Variants in CDH13 observed in about 807,000 individuals in gnomAD.
CDH13 encodes the protein cadherin 13.
A neutral mutation model predicts 63.8 loss-of-function variants in CDH13; 24 were observed. The observed-to-expected ratio is 0.38, with a 90% CI of 0.27 to 0.53. The LOEUF (loss-of-function observed/expected upper bound fraction) is 0.53. Among genes scored for constraint, CDH13 ranks in the 20% least tolerant of loss-of-function variants. The pLI is 0.85. For missense variants in CDH13, 1,049 were observed against 903.1 expected (o/e 1.16, Z -2.07); for synonymous variants, 503 against 355.3 (o/e 1.42, Z -4.67).
intron 6 of CDH13, among the ~76,000 whole-genome samples, chr16:83,458,775 TC>T (rs2073091078): frequency 1.3e-5 from 2 of 152,236 alleles, no homozygotes; most frequent in African/African-American, 2.4e-5. Context: ...ATTGCTCATT[TC>T]TGACATTCTG....
chr16:83,648,376 A>AT (rs1912040253), intron 8 of CDH13, among the ~76,000 whole-genome samples: 1 of 152,118 alleles, frequency 6.6e-6, no homozygotes, highest in African/African-American at 2.4e-5. Flanking sequence ...TGATGCAGTG[A>AT]TTTTAGAAAC....
At chr16:83,706,415 G>A (rs535829775) in intron 10 of CDH13, among the ~76,000 whole-genome samples, 43 of 152,276 alleles carry the variant, frequency 2.8e-4, no homozygotes, top group African/African-American at 9.4e-4. Flanking sequence ...CGAGAGGAGC[G>A]TCAGAAATAT....
At chr16:82,676,674 T>A (rs1205659693) in intron 1 of CDH13, among the ~76,000 whole-genome samples, 2 of 151,978 alleles carry the variant, frequency 1.3e-5, no homozygotes, top group Non-Finnish European at 2.9e-5. Flanking sequence ...TGCCGTTGGT[T>A]TTTTTTATGA....
At chr16:83,586,841 T>C (rs568470347) in intron 7 of CDH13, among the ~76,000 whole-genome samples, 32 of 152,326 alleles carry the variant, frequency 2.1e-4, no homozygotes, top group African/African-American at 7.5e-4. Context: ...CGAATTAGCT[T>C]TTGGACAACA....
chr16:83,169,571 G>C (rs72800264), intron 4 of CDH13, among the ~76,000 whole-genome samples: 24,412 of 141,876 alleles, frequency 0.17, 2,060 homozygotes, highest in South Asian at 0.2. Context: ...TTTTTTTTTT[G>C]TTTCTCCATG....
chr16:82,984,700 T>C (rs562926620), intron 2 of CDH13, among the ~76,000 whole-genome samples: 1 of 152,288 alleles, frequency 6.6e-6, no homozygotes, highest in Non-Finnish European at 1.5e-5. Flanking sequence ...GTCACATAAC[T>C]TGCTAAGGTT....
intron 2 of CDH13, among the ~76,000 whole-genome samples, chr16:82,918,765 C>A (rs1426269490): frequency 6.6e-6 from 1 of 152,008 alleles, no homozygotes; most frequent in Non-Finnish European, 1.5e-5. Context: ...TACCTCAACC[C>A]CCCGACAAAA....
At chr16:83,104,273 A>C (rs927824817) in intron 3 of CDH13, among the ~76,000 whole-genome samples, 6 of 152,172 alleles carry the variant, frequency 3.9e-5, no homozygotes, top group African/African-American at 1.4e-4. Context: ...GGAACCTTCA[A>C]AGAACACAGT....
intron 5 of CDH13, among the ~76,000 whole-genome samples, chr16:83,320,783 C>T (rs1414382919): frequency 6.6e-6 from 1 of 152,172 alleles, no homozygotes; most frequent in African/African-American, 2.4e-5. Context: ...GCACACATCA[C>T]CGTCAGCCAA....
chr16:83,134,541 G>A (rs929842182), intron 4 of CDH13, among the ~76,000 whole-genome samples: 2 of 130,568 alleles, frequency 1.5e-5, no homozygotes, highest in East Asian at 4.5e-4. Context: ...GGATGGGGTG[G>A]GGGGAGAGAG....
chr16:83,228,510 G>T (rs779567800), intron 5 of CDH13, among the ~76,000 whole-genome samples: 2 of 152,200 alleles, frequency 1.3e-5, no homozygotes, highest in Non-Finnish European at 2.9e-5. Flanking sequence ...TGCAACAATC[G>T]ACTATATTAT....
chr16:82,721,516 TGG>T (rs2032768677), intron 1 of CDH13, among the ~76,000 whole-genome samples: 2 of 151,718 alleles, frequency 1.3e-5, no homozygotes, highest in African/African-American at 4.8e-5. Context: ...GAGGCTAGAG[TGG>T]AACACTGCTC....
chr16:83,028,001 G>C (rs1248987289), intron 2 of CDH13, among the ~76,000 whole-genome samples: 1 of 152,230 alleles, frequency 6.6e-6, no homozygotes, highest in South Asian at 2.1e-4. Context: ...TTTATGGTAG[G>C]AAGAAAGGGT....
intron 3 of CDH13, among the ~76,000 whole-genome samples, chr16:83,044,150 C>G (rs1487612757): frequency 1.3e-5 from 2 of 152,102 alleles, no homozygotes; most frequent in African/African-American, 4.8e-5. Context: ...TATAGCTAGC[C>G]TGTTCCTATA....
intron 6 of CDH13, among the ~76,000 whole-genome samples, chr16:83,474,284 C>A (rs542803506): frequency 4.3e-4 from 65 of 152,310 alleles, no homozygotes; most frequent in Non-Finnish European, 7.5e-4. Context: ...TCATAGGTGT[C>A]AGCCCATTTT....
At chr16:83,208,895 G>T (rs2039256653) in intron 4 of CDH13, among the ~76,000 whole-genome samples, 1 of 152,194 alleles carries the variant, frequency 6.6e-6, no homozygotes, top group Non-Finnish European at 1.5e-5. Flanking sequence ...CTCACAAGCA[G>T]TGTTCACTTG....
At chr16:83,042,771 G>A (rs955623199) in intron 3 of CDH13, among the ~76,000 whole-genome samples, 10 of 152,312 alleles carry the variant, frequency 6.6e-5, no homozygotes, top group African/African-American at 2.4e-4. Flanking sequence ...GACTGGGAGT[G>A]ACATGGAATC....
chr16:83,438,189 C>T (rs1236125593), intron 6 of CDH13, among the ~76,000 whole-genome samples: 1 of 152,344 alleles, frequency 6.6e-6, no homozygotes, highest in East Asian at 1.9e-4. Context: ...GCCTGAGGGA[C>T]TTGTCTGCAA....
chr16:83,218,188 T>C (rs994357820), intron 5 of CDH13, among the ~76,000 whole-genome samples: 4 of 152,170 alleles, frequency 2.6e-5, no homozygotes, highest in African/African-American at 2.4e-5. Context: ...AAATGCATTA[T>C]TGTGAGTTTG....
Sources: allele counts gnomAD v4.1 joint callset (sites outside exome capture counted in the v4.1 genomes callset), GRCh38; gene constraint gnomAD v4.1.1; transcripts MANE v1.5; gene names NCBI Gene and HGNC (gene_info 2026-07-23, HGNC 2026-07-21).